Variants in ASAP1 observed in about 807,000 individuals in gnomAD.
ASAP1 encodes the protein ArfGAP with SH3 domain, ankyrin repeat and PH domain 1, also known as arf-GAP with SH3 domain, ANK repeat and PH domain-containing protein 1.
ASAP1 carries 43 observed loss-of-function variants against 145.2 expected under a neutral mutation model. The ratio of observed to expected loss-of-function variants is 0.30; its 90% confidence interval spans 0.23 to 0.38. The LOEUF is 0.38. ASAP1 is among the 10% of genes least tolerant of loss of function. The probability of loss-of-function intolerance (pLI) is 1.00; values close to 1 mark genes in which losing one functional copy is unlikely to be tolerated. For missense variants in ASAP1, 1,018 were observed against 1,355.3 expected (o/e 0.75, Z 3.91); for synonymous variants, 546 against 515.5 (o/e 1.06, Z -0.80).
intron 2 of ASAP1, among the ~76,000 whole-genome samples, chr8:130,369,246 G>T (rs901731088): frequency 6.6e-6 from 1 of 152,120 alleles, no homozygotes; most frequent in Non-Finnish European, 1.5e-5. Context: ...CCTTGGGGAT[G>T]GAGCCCAAGA....
intron 3 of ASAP1, among the ~76,000 whole-genome samples, chr8:130,299,969 G>A (rs2137405136): frequency 6.6e-6 from 1 of 152,192 alleles, no homozygotes; most frequent in Admixed American, 6.5e-5. Context: ...ACTGTGAAAT[G>A]AGCCACATAT....
At chr8:130,138,468 T>C (rs1328236261) in intron 13 of ASAP1, among the ~76,000 whole-genome samples, 2 of 152,188 alleles carry the variant, frequency 1.3e-5, no homozygotes, top group African/African-American at 4.8e-5. Flanking sequence ...CTTGGGAAGA[T>C]TCCTGTACTC....
Position 130,413,885 on chromosome 8 carries a change from G to GATTCATTC in ASAP1, c.-27-11923_-27-11916dup, listed in dbSNP as rs58479009. On this transcript the variant is annotated intron_variant, in intron 1 of 29. Coordinates refer to ENST00000518721, the MANE Select transcript of ASAP1 (RefSeq NM_018482.4). ...TTTGACTGCATCTTCTATTTTGCCA[G>GATTCATTC]ATTCATTCATTCATTCATTCATTCA... 7.2e-3 allele frequency among the ~76,000 whole-genome samples: 1,085 copies of GATTCATTC among 151,456 alleles called. 16 individuals are homozygous for GATTCATTC. The highest frequency in any genetic ancestry group is 0.025 in the African/African-American group (1,030 of 41,220).
intron 23 of ASAP1, among the ~76,000 whole-genome samples, chr8:130,113,774 CTTT>C (rs561023170): frequency 6.9e-6 from 1 of 144,648 alleles, no homozygotes; most frequent in Admixed American, 6.9e-5. Flanking sequence ...CCCTTATGTA[CTTT>C]TTTTTTTTTT....
At chr8:130,181,818 T>C (rs1022610507) in intron 7 of ASAP1, among the ~76,000 whole-genome samples, 2 of 152,190 alleles carry the variant, frequency 1.3e-5, no homozygotes, top group African/African-American at 4.8e-5. Flanking sequence ...AACCTGAAAA[T>C]GGACTTCTAA....
At chr8:130,120,727 T>C (rs1478134144) in intron 18 of ASAP1, among the ~76,000 whole-genome samples, 4 of 152,228 alleles carry the variant, frequency 2.6e-5, no homozygotes, top group Non-Finnish European at 5.9e-5. Context: ...CATGATCACC[T>C]TGAAAATCAC....
chr8:130,186,553 G>C (rs956371480), intron 7 of ASAP1, among the ~76,000 whole-genome samples: 1 of 152,078 alleles, frequency 6.6e-6, no homozygotes, highest in African/African-American at 2.4e-5. Context: ...ACAGTATCGA[G>C]ATGGGCCGAG....
intron 27 of ASAP1, among the ~76,000 whole-genome samples, chr8:130,067,782 A>G (rs1286453238): frequency 6.6e-6 from 1 of 152,208 alleles, no homozygotes; most frequent in Non-Finnish European, 1.5e-5. Context: ...GAACGGTGAT[A>G]AAAGTGTACA....
In ASAP1 at chr8:130,101,732, A is replaced by ATTTTTTTTTTTTTTTTTTT. The variant is rs59778799; in HGVS notation, c.2402-9608_2402-9590dup. On this transcript the variant is annotated intron_variant, in intron 24 of 29. Transcript: ENST00000518721. The stretch of plus-strand genomic sequence containing the variant: ...AGGCATGTGCTACCACACCTGGTTA[A>ATTTTTTTTTTTTTTTTTTT]TTTTTTTTTTTTTTTTTTTTGCAGA... Among the ~76,000 whole-genome samples, 135 of 86,910 alleles carry ATTTTTTTTTTTTTTTTTTT rather than the reference A, an allele frequency of 1.6e-3. 17 individuals carry two copies. Among genetic ancestry groups the ATTTTTTTTTTTTTTTTTTT allele is most frequent in the African/African-American group, 3.7e-3 (66 of 18,082 alleles). The allele number at this position is 86,910 out of a possible 152,430, so 57.0% of individuals were successfully genotyped here. A position where few individuals can be genotyped will look rare whatever the true frequency, so the allele number is the denominator to read the frequency against.
rs1277686215 is a variant in ASAP1, at chr8:130,115,656, T to C, written c.2144A>G (p.Asp715Gly). 3 of 1,614,104 alleles carry C rather than the reference T, an allele frequency of 1.9e-6. No homozygotes were observed. The change falls in exon 23 of 30, where the codon GAT becomes GGT. Residue 715 changes from aspartate (D) to glycine (G), a missense_variant. Asp to Gly is a moderately conservative substitution (Grantham distance 94, BLOSUM62 -1). Transcript: ENST00000518721. ...YEWNLRQEEI[D>G]ESDDDLDDKP... Reference sequence around the variant, plus strand: ...GTCATCCAGATCATCATCGCTCTCATCTATCTCCTCCTGTCGAAGATTCCA... The same window carrying C: ...GTCATCCAGATCATCATCGCTCTCACCTATCTCCTCCTGTCGAAGATTCCA...
At chr8:130,268,469 C>A (rs1375312851) in intron 3 of ASAP1, among the ~76,000 whole-genome samples, 1 of 143,532 alleles carries the variant, frequency 7.0e-6, no homozygotes, top group African/African-American at 2.6e-5. Flanking sequence ...GCCTGGGTGA[C>A]AGAGTAAGAT....
At chr8:130,291,688 A>G (rs1374174916) in intron 3 of ASAP1, among the ~76,000 whole-genome samples, 1 of 152,218 alleles carries the variant, frequency 6.6e-6, no homozygotes, top group Non-Finnish European at 1.5e-5. Context: ...TGTTTCATAC[A>G]TACCTTGAAA....
intron 4 of ASAP1, among the ~76,000 whole-genome samples, chr8:130,235,890 T>C (rs1383035538): frequency 6.6e-6 from 1 of 152,056 alleles, no homozygotes; most frequent in Non-Finnish European, 1.5e-5. Flanking sequence ...GATGATAAAA[T>C]TAAGAGGAAC....
intron 24 of ASAP1, among the ~76,000 whole-genome samples, chr8:130,101,186 T>C (rs769266373): frequency 2.6e-5 from 4 of 152,232 alleles, no homozygotes; most frequent in Admixed American, 6.5e-5. Context: ...ACTATAGCTT[T>C]GTAGTATATT....
At chr8:130,353,280 C>A (rs74639250) in intron 3 of ASAP1, among the ~76,000 whole-genome samples, 3,145 of 152,232 alleles carry the variant, frequency 0.021, 31 homozygotes, top group Middle Eastern at 0.041. Flanking sequence ...ATGTGTTGAA[C>A]AAATGCTGTT....
intron 3 of ASAP1, among the ~76,000 whole-genome samples, chr8:130,260,169 T>G (rs1819807805): frequency 6.6e-6 from 1 of 152,224 alleles, no homozygotes. Context: ...TATAAGATCT[T>G]TACAATGTAA....
At chr8:130,141,706 G>A (rs370701738) in intron 13 of ASAP1, among the ~76,000 whole-genome samples, 4 of 152,000 alleles carry the variant, frequency 2.6e-5, no homozygotes, top group African/African-American at 9.7e-5. Flanking sequence ...GCTACCACAC[G>A]AGGCTAATTT....
chr8:130,408,447 G>A (rs773924118), intron 1 of ASAP1, among the ~76,000 whole-genome samples: 8 of 152,068 alleles, frequency 5.3e-5, no homozygotes, highest in Non-Finnish European at 5.9e-5. Context: ...GGACACTGGC[G>A]CTCCTGGTTC....
At chr8:130,119,507 G>A (rs1189568816) in intron 18 of ASAP1, among the ~76,000 whole-genome samples, 1 of 152,192 alleles carries the variant, frequency 6.6e-6, no homozygotes, top group Non-Finnish European at 1.5e-5. Flanking sequence ...CCCAGCCACA[G>A]GGGTGAGTAA....
Sources: allele counts gnomAD v4.1 joint callset (sites outside exome capture counted in the v4.1 genomes callset), GRCh38; gene constraint gnomAD v4.1.1; transcripts MANE v1.5; gene names NCBI Gene and HGNC (gene_info 2026-07-23, HGNC 2026-07-21).